The following LRCOL1 variants were observed in gnomAD, a reference collection of about 807,000 sequenced individuals.
LRCOL1 encodes leucine rich colipase like 1.
Under a neutral mutation model 21.6 loss-of-function variants are expected in LRCOL1, and 21 were observed. The ratio of observed to expected loss-of-function variants is 0.97; its 90% CI spans 0.69 to 1.40. LRCOL1 has a LOEUF of 1.40. Among genes scored for constraint, LRCOL1 ranks in the 40% most tolerant of loss-of-function variants. LRCOL1 has a pLI of 0.00. For synonymous variants in LRCOL1, 98 were observed against 90.1 expected, an observed-to-expected ratio of 1.09 and a Z score of -0.49; for missense variants, 198 against 202.3, an observed-to-expected ratio of 0.98 and a Z score of 0.13.
chr12:132,603,567 C>A (rs7397533), intron 5 of LRCOL1, 163 bp from the exon 6 acceptor site: 2 of 985,312 alleles, frequency 2.0e-6, no homozygotes, highest in Non-Finnish European at 2.4e-6. Flanking sequence ...GCGAGAGGGA[C>A]GCCCACGAGC....
In LRCOL1 at chr12:132,610,533, G is replaced by T. The variant is rs1218028278; in HGVS notation, c.-224C>A. ...GAGAAAGACGCTCATCTCCCCACAT[G>T]AGAGGCTCAGTGTAGGCGTCTGGAC... On this transcript the variant is annotated 5_prime_UTR_variant, in exon 1 of 6. Transcript: ENST00000376608. 6.6e-6 allele frequency: 1 copy of T among 152,212 alleles called. No homozygotes were observed. The highest frequency in any genetic ancestry group is 1.5e-5 in the Non-Finnish European group (1 of 68,080). The allele number at this position is 152,212 out of a possible 1,614,324, so 9.4% of individuals were successfully genotyped here.
intron 5 of LRCOL1, chr12:132,604,050 C>CTCAG: frequency 7.1e-7 from 1 of 1,403,322 alleles, no homozygotes; most frequent in Non-Finnish European, 9.2e-7. Flanking sequence ...GCCTGGTGGG[C>CTCAG]TCAGTGCCAG....
rs1303367868 is a variant in LRCOL1, at chr12:132,604,444, C to T, written c.354+18G>A. The T allele has an allele frequency of 1.3e-6, 2 of 1,528,484 alleles. No homozygotes were observed. Among genetic ancestry groups the T allele is most frequent in the Non-Finnish European group, 1.7e-6 (2 of 1,144,908 alleles). 94.7% of individuals were successfully genotyped at this position (1,528,484 alleles called of 1,614,324 possible). ...CCGGCTACCCCTGCTCCATCTGCCC[C>T]GGGTGCCCGCAGCTCACCTTGCGCC... On this transcript the variant is annotated intron_variant, in intron 4 of 5. Coordinates refer to ENST00000376608, the MANE Select transcript of LRCOL1 (RefSeq NM_001195520.2).
Position 132,604,460 on chromosome 12 carries a change from A to C in LRCOL1, c.354+2T>G. ...CATCTGCCCCGGGTGCCCGCAGCTC[A>C]CCTTGCGCCAGGGCACACACTGCAG... On this transcript the variant is annotated splice_donor_variant, in intron 4 of 5. Transcript: ENST00000376608. LOFTEE classifies it high-confidence loss of function. 10 of 1,534,732 alleles carry C rather than the reference A, an allele frequency of 6.5e-6. No individual in the cohort carries two copies. Among genetic ancestry groups the C allele is most frequent in the Non-Finnish European group, 8.7e-6 (10 of 1,145,854 alleles).
chr12:132,607,582 T>G (rs1342239093), intron 1 of LRCOL1, among the ~76,000 whole-genome samples: 1 of 152,170 alleles, frequency 6.6e-6, no homozygotes, highest in East Asian at 1.9e-4. Flanking sequence ...AGGGTCTCCC[T>G]GTCTCTCTGT....
chr12:132,609,930 T>C (rs1456843072), intron 1 of LRCOL1, among the ~76,000 whole-genome samples: 1 of 152,242 alleles, frequency 6.6e-6, no homozygotes, highest in Non-Finnish European at 1.5e-5. Context: ...ATCTAGTTTG[T>C]TTCTATAGTA....
At chr12:132,607,105 G>A (rs1452888405) in intron 1 of LRCOL1, among the ~76,000 whole-genome samples, 2 of 152,336 alleles carry the variant, frequency 1.3e-5, no homozygotes, top group East Asian at 1.9e-4. Flanking sequence ...TGCCCTGCGT[G>A]TGGTCAGCGG....
At chr12:132,604,685 C>A (rs1338559659) in intron 3 of LRCOL1, 21 bp downstream of exon 3, 2 of 1,531,460 alleles carry the variant, frequency 1.3e-6, no homozygotes, top group Non-Finnish European at 1.7e-6. Context: ...TCCTCCACCC[C>A]CGCCCCTGCA....
At chr12:132,608,398 C>T (rs1436892188) in intron 1 of LRCOL1, among the ~76,000 whole-genome samples, 1 of 152,252 alleles carries the variant, frequency 6.6e-6, no homozygotes, top group Non-Finnish European at 1.5e-5. Flanking sequence ...CTGATTTTAC[C>T]TCCCTCACAG....
At chr12:132,607,899 G>C (rs1286024343) in intron 1 of LRCOL1, among the ~76,000 whole-genome samples, 1 of 109,972 alleles carries the variant, frequency 9.1e-6, no homozygotes, top group African/African-American at 3.9e-5. Flanking sequence ...CTGTCTCTCT[G>C]TCTCTCCCTC....
chr12:132,607,808 CCT>C (rs557268483), intron 1 of LRCOL1, among the ~76,000 whole-genome samples: 84 of 92,922 alleles, frequency 9.0e-4, no homozygotes, highest in Middle Eastern at 8.1e-3. Context: ...TCTCTGTCTC[CCT>C]CTCTCTGTCT....
chr12:132,608,833 G>A (rs2041344188), intron 1 of LRCOL1, among the ~76,000 whole-genome samples: 1 of 152,208 alleles, frequency 6.6e-6, no homozygotes, highest in Admixed American at 6.5e-5. Context: ...CTTGGAACCA[G>A]GAAAAATTTT....
rs1324439084 is a variant in LRCOL1 at position 132,606,688 on chromosome 12, G to T, written c.-13-424C>A. Reference sequence around the variant, plus strand: ...GATGCCCTAAACATCCCCGTGCCCCGTCTATTCGCTCCTCCCTCCCCAGCT... The same window carrying T: ...GATGCCCTAAACATCCCCGTGCCCCTTCTATTCGCTCCTCCCTCCCCAGCT... On this transcript the variant is annotated intron_variant, in intron 1 of 5. Coordinates refer to ENST00000376608, the MANE Select transcript of LRCOL1 (RefSeq NM_001195520.2). This position sits in a 1 kb window ranked among gnomAD's most constrained non-coding sequence, Gnocchi z 4.6. 6.6e-6 allele frequency among the ~76,000 whole-genome samples: 1 copy of T among 151,942 alleles called. No homozygotes were observed.
At chr12:132,605,724 ATCTC>A (rs751425832) in intron 2 of LRCOL1, 90 of 127,110 alleles carry the variant, frequency 7.1e-4, no homozygotes, top group African/African-American at 1.9e-3. Context: ...GCGAGGCTTC[ATCTC>A]TCTCTCTCTC....
rs1362870430 is a variant in LRCOL1, at chr12:132,605,738, CTCTCTCTT to C, written c.105+401_105+408del. The C allele has an allele frequency of 6.2e-5, 8 of 128,810 alleles. No individual in the cohort carries two copies. In the East Asian group the frequency reaches 1.8e-3, roughly 29 times the overall value. The allele number at this position is 128,810 out of a possible 1,614,324, so 8.0% of individuals were successfully genotyped here. A position where few individuals can be genotyped will look rare whatever the true frequency, so the allele number is the denominator to read the frequency against. On this transcript the variant is annotated intron_variant, in intron 2 of 5. Coordinates refer to ENST00000376608, the MANE Select transcript of LRCOL1 (RefSeq NM_001195520.2). The stretch of plus-strand genomic sequence containing the variant: ...AGCGAGGCTTCATCTCTCTCTCTCT[CTCTCTCTT>C]ACACACACACGCACACAATTTAAAA...
chr12:132,607,829 CTCTGTCTCTT>C (rs2041330222), intron 1 of LRCOL1, among the ~76,000 whole-genome samples: 2 of 150,020 alleles, frequency 1.3e-5, no homozygotes, highest in Admixed American at 6.6e-5. Flanking sequence ...CTCTTTCTGT[CTCTGTCTCTT>C]TCTGTCTCTG....
Position 132,606,832 on chromosome 12 carries a change from G to T in LRCOL1, c.-13-568C>A, listed in dbSNP as rs567752586. Among the ~76,000 whole-genome samples, 5 of 152,174 alleles carry T rather than the reference G, an allele frequency of 3.3e-5. No individual in the cohort carries two copies. Among genetic ancestry groups the T allele is most frequent in the African/African-American group, 9.6e-5 (4 of 41,556 alleles). ...CTTATTTCACTAAGTGCCATTTAAG[G>T]TTCCTCTGTGGCTTTTCGTGGCATA... On this transcript the variant is annotated intron_variant, in intron 1 of 5. Transcript: ENST00000376608. This position sits in a 1 kb window ranked among gnomAD's most constrained non-coding sequence, Gnocchi z 4.6.
At chr12:132,604,024 A>T (rs918614275) in intron 5 of LRCOL1, 122 of 1,368,928 alleles carry the variant, frequency 8.9e-5, no homozygotes, top group Non-Finnish European at 1.1e-4. Context: ...CTGACCGGGC[A>T]CCCGTGCCCT....
intron 5 of LRCOL1, 145 bp downstream of exon 5, chr12:132,604,109 C>T (rs2041266339): frequency 2.5e-5 from 36 of 1,433,110 alleles, no homozygotes; most frequent in Non-Finnish European, 3.2e-5. Flanking sequence ...GGCGGTGAAG[C>T]GCCGGCCTCT....
Sources: allele counts gnomAD v4.1 joint callset (sites outside exome capture counted in the v4.1 genomes callset), GRCh38; gene constraint gnomAD v4.1.1; non-coding constraint Gnocchi (gnomAD v3.1); transcripts MANE v1.5; gene names NCBI Gene and HGNC (gene_info 2026-07-23, HGNC 2026-07-21).